The following CSMD1 variants were observed in gnomAD, a reference collection of about 807,000 sequenced individuals.
The protein encoded by CSMD1 is CUB and Sushi multiple domains 1, also known as CUB and sushi domain-containing protein 1.
In CSMD1, 213 loss-of-function variants were observed where a neutral mutation model predicts 417.5. The observed-to-expected ratio is 0.51, with a 90% CI of 0.46 to 0.57. CSMD1 has a LOEUF of 0.57. Ranked by LOEUF, CSMD1 falls within the 20% of genes least tolerant of loss-of-function variation. The pLI is 0.00. For missense variants in CSMD1, 6,923 were observed against 4,529.7 expected (o/e 1.53, Z -15.17); for synonymous variants, 2,862 against 1,736.8 (o/e 1.65, Z -16.11).
intron 12 of CSMD1, among the ~76,000 whole-genome samples, chr8:3,410,379 C>T (rs574006708): frequency 3.3e-5 from 5 of 152,230 alleles, no homozygotes; most frequent in East Asian, 3.9e-4. Flanking sequence ...TTGGCTGTGT[C>T]CCCACCTAAT....
At chr8:4,563,274 A>T (rs563730521) in intron 2 of CSMD1, among the ~76,000 whole-genome samples, 1 of 152,028 alleles carries the variant, frequency 6.6e-6, no homozygotes, top group African/African-American at 2.4e-5. Flanking sequence ...GGTGGCGGGC[A>T]CCTGTAGTCC....
chr8:4,692,600 C>T (rs1164470712), intron 1 of CSMD1, among the ~76,000 whole-genome samples: 1 of 152,160 alleles, frequency 6.6e-6, no homozygotes, highest in Non-Finnish European at 1.5e-5. Flanking sequence ...TCCAAGGATT[C>T]TGCAGGCAAA....
intron 3 of CSMD1, among the ~76,000 whole-genome samples, chr8:4,309,568 A>C (rs184554590): frequency 6.6e-6 from 1 of 152,278 alleles, no homozygotes; most frequent in East Asian, 1.9e-4. Flanking sequence ...CAAGCAGCCA[A>C]ACTCTCAGTT....
At chr8:3,637,730 G>T (rs532763369) in intron 7 of CSMD1, among the ~76,000 whole-genome samples, 1 of 152,138 alleles carries the variant, frequency 6.6e-6, no homozygotes, top group African/African-American at 2.4e-5. Context: ...ATATGGTTTG[G>T]CTGTGTCCCC....
intron 2 of CSMD1, among the ~76,000 whole-genome samples, chr8:4,438,549 C>T (rs906469533): frequency 6.6e-6 from 1 of 152,212 alleles, no homozygotes; most frequent in Non-Finnish European, 1.5e-5. Flanking sequence ...TTTTACTTTC[C>T]ATCTCTAAGC....
chr8:3,462,095 C>G (rs1206776833), intron 12 of CSMD1, among the ~76,000 whole-genome samples: 1 of 145,712 alleles, frequency 6.9e-6, no homozygotes, highest in African/African-American at 2.5e-5. Context: ...CCAAGGGCAC[C>G]ATTTGGGTGC....
chr8:3,068,766 G>A (rs1433979972), intron 49 of CSMD1, among the ~76,000 whole-genome samples: 3 of 152,114 alleles, frequency 2.0e-5, no homozygotes, highest in African/African-American at 7.2e-5. Flanking sequence ...CTATCATGAA[G>A]ACAGCAATAA....
chr8:4,283,634 G>T (rs117238941), intron 3 of CSMD1, among the ~76,000 whole-genome samples: 18 of 152,214 alleles, frequency 1.2e-4, no homozygotes, highest in Non-Finnish European at 2.4e-4. Context: ...AAGAAATGTG[G>T]GTAGAGATGG....
At chr8:3,434,254 T>G (rs1814409247) in intron 12 of CSMD1, among the ~76,000 whole-genome samples, 2 of 152,228 alleles carry the variant, frequency 1.3e-5, no homozygotes, top group African/African-American at 4.8e-5. Flanking sequence ...CTAAATCGTT[T>G]TTTAAAACTG....
chr8:4,410,331 C>A (rs1335085931), intron 3 of CSMD1, among the ~76,000 whole-genome samples: 1 of 152,176 alleles, frequency 6.6e-6, no homozygotes, highest in East Asian at 1.9e-4. Context: ...ACAATGGTCA[C>A]ACTCATAGTG....
chr8:4,449,907 A>T (rs1799034180), intron 2 of CSMD1, among the ~76,000 whole-genome samples: 1 of 152,024 alleles, frequency 6.6e-6, no homozygotes, highest in Non-Finnish European at 1.5e-5. Context: ...TATGTATAAA[A>T]CCTGGGCACC....
intron 3 of CSMD1, among the ~76,000 whole-genome samples, chr8:4,064,700 T>G (rs1017020707): frequency 1.1e-4 from 16 of 152,220 alleles, no homozygotes; most frequent in African/African-American, 3.4e-4. Flanking sequence ...CCCTGGCGTG[T>G]TGGTCACCCC....
intron 1 of CSMD1, among the ~76,000 whole-genome samples, chr8:4,978,260 G>C (rs990998382): frequency 3.3e-5 from 5 of 152,112 alleles, no homozygotes; most frequent in African/African-American, 9.7e-5. Flanking sequence ...TCAAAGGGGG[G>C]ACAGGCAGGT....
intron 3 of CSMD1, among the ~76,000 whole-genome samples, chr8:4,274,335 G>A (rs937074760): frequency 6.6e-6 from 1 of 152,102 alleles, no homozygotes. Context: ...AAAAACACAT[G>A]ACTTTTTTTA....
At chr8:4,719,352 A>C (rs1478808548) in intron 1 of CSMD1, among the ~76,000 whole-genome samples, 1 of 152,182 alleles carries the variant, frequency 6.6e-6, no homozygotes, top group African/African-American at 2.4e-5. Context: ...TCACGTGCCA[A>C]TGCGCTTGAG....
At chr8:4,730,672 C>T (rs1312001701) in intron 1 of CSMD1, among the ~76,000 whole-genome samples, 7 of 151,794 alleles carry the variant, frequency 4.6e-5, no homozygotes, top group African/African-American at 7.2e-5. Flanking sequence ...ACCCGGGAAG[C>T]GGAGCTTGCA....
chr8:4,444,511 A>AC (rs1798667468), intron 2 of CSMD1, among the ~76,000 whole-genome samples: 1 of 152,110 alleles, frequency 6.6e-6, no homozygotes. Context: ...TTGACAGACA[A>AC]GTTTTTTTAG....
chr8:3,804,371 G>A (rs1166922320), intron 5 of CSMD1, among the ~76,000 whole-genome samples: 2 of 152,086 alleles, frequency 1.3e-5, no homozygotes, highest in Non-Finnish European at 2.9e-5. Context: ...TACCCAGTGT[G>A]AATTAACCGG....
chr8:4,209,511 C>G (rs981644860), intron 3 of CSMD1, among the ~76,000 whole-genome samples: 1 of 152,208 alleles, frequency 6.6e-6, no homozygotes, highest in Admixed American at 6.5e-5. Flanking sequence ...ATGGCCCCTC[C>G]TCTCTGGGAA....
Sources: gnomAD v4.1 joint callset for allele counts (sites outside exome capture counted in the v4.1 genomes callset) on GRCh38, gnomAD v4.1.1 for gene constraint, MANE v1.5 for transcripts, NCBI Gene and HGNC (gene_info 2026-07-23, HGNC 2026-07-21) for gene names.